GRM5: variants seen among roughly 807,000 people sequenced by gnomAD.
The protein encoded by GRM5 is glutamate metabotropic receptor 5, also known as metabotropic glutamate receptor 5.
A neutral mutation model predicts 83.1 loss-of-function variants in GRM5; 19 were observed. That is an observed-to-expected ratio of 0.23 (90% CI 0.16 to 0.34). The LOEUF (loss-of-function observed/expected upper bound fraction) is 0.34. Among genes scored for constraint, GRM5 ranks in the 10% least tolerant of loss-of-function variants. The pLI, the probability that GRM5 is intolerant of heterozygous loss-of-function variation, is 1.00. For missense variants in GRM5, 1,160 were observed against 1,588.3 expected (o/e 0.73, Z 4.58); for synonymous variants, 675 against 633.6 (o/e 1.07, Z -0.98).
In GRM5 at chr11:88,830,558, G is replaced by A. The variant is rs149455085; in HGVS notation, c.911+19348C>T. Among the ~76,000 whole-genome samples the A allele has an allele frequency of 4.8e-3, 726 of 152,272 alleles. 8 individuals are homozygous for A. Among genetic ancestry groups the A allele is most frequent in the African/African-American group, 0.017 (700 of 41,556 alleles). ...AGGCATCCTTCTCTGCCAGGAGCCA[G>A]GAGAGACTTCCCAATGTGGGGAAAG... On this transcript the variant is annotated intron_variant, in intron 3 of 9. Transcript: ENST00000305447.
intron 3 of GRM5, among the ~76,000 whole-genome samples, chr11:88,663,976 CA>C (rs1939973692): frequency 6.6e-6 from 1 of 152,106 alleles, no homozygotes; most frequent in Non-Finnish European, 1.5e-5. Context: ...TTCATAATTT[CA>C]AATCTATATT....
chr11:88,585,024 C>G (rs537890906), intron 7 of GRM5, among the ~76,000 whole-genome samples: 8 of 152,338 alleles, frequency 5.3e-5, no homozygotes, highest in African/African-American at 1.9e-4. Flanking sequence ...ACCCCTGAAG[C>G]AGGTCATAAG....
intron 4 of GRM5, among the ~76,000 whole-genome samples, chr11:88,629,968 A>C (rs571925290): frequency 6.6e-6 from 1 of 152,044 alleles, no homozygotes; most frequent in South Asian, 2.1e-4. Flanking sequence ...TCCCCAACTT[A>C]CTTTGCTCCA....
rs1942907076 is a variant in GRM5, at chr11:88,567,896, A to G, written c.1787T>C (p.Phe596Ser). 5 of 1,613,978 alleles carry G rather than the reference A, an allele frequency of 3.1e-6. No homozygotes were observed. The highest frequency in any genetic ancestry group is 4.2e-6 in the Non-Finnish European group (5 of 1,179,828). ...FACLGLLATL[F>S]VTVVFIIYRD... ...GTAAATGATGAAGACTACAGTAACA[A>G]ACAGGGTGGCCAGGAGGCCAAGGCA... Residue 596 changes from phenylalanine to serine, a missense_variant, in exon 8 of 10, where the codon TTT (phenylalanine) becomes TCT (serine). Phe to Ser is a radical substitution (Grantham distance 155, BLOSUM62 -2). This residue lies in a region of GRM5 where 132 missense variants were observed against 245.5 expected (regional missense o/e 0.54). Coordinates refer to ENST00000305447, the MANE Select transcript of GRM5 (RefSeq NM_001143831.3). The surrounding 1 kb of genome is among the most constrained non-coding windows in gnomAD (Gnocchi z 7.3).
chr11:88,918,099 A>G (rs1945624681), intron 2 of GRM5, among the ~76,000 whole-genome samples: 1 of 152,074 alleles, frequency 6.6e-6, no homozygotes, highest in African/African-American at 2.4e-5. Flanking sequence ...AAGAAACAAC[A>G]TACAAAGGAG....
rs1941956642 is a variant in GRM5, at chr11:88,738,081, G to T, written c.912-84678C>A. On this transcript the variant is annotated intron_variant, in intron 3 of 9. Coordinates refer to ENST00000305447, the MANE Select transcript of GRM5 (RefSeq NM_001143831.3). ...AGAGAGTATTTTTTGAAGCAAGACA[G>T]TTTGAGTCTGGCTAAATGATTGAAA... Among the ~76,000 whole-genome samples, 4 of 151,954 alleles carry T rather than the reference G, an allele frequency of 2.6e-5. No homozygotes were observed. The South Asian group carries it at 8.3e-4, about 31-fold the overall frequency.
intron 2 of GRM5, among the ~76,000 whole-genome samples, chr11:88,988,633 G>T (rs1283029963): frequency 6.6e-6 from 1 of 151,384 alleles, no homozygotes; most frequent in Non-Finnish European, 1.5e-5. Flanking sequence ...ACCCTCAAAG[G>T]GAAGCCCATC....
At chr11:88,624,486 GAAGGAAC>G (rs1289317852) in intron 4 of GRM5, among the ~76,000 whole-genome samples, 1 of 152,170 alleles carries the variant, frequency 6.6e-6, no homozygotes. Flanking sequence ...AATATGGGAG[GAAGGAAC>G]AATGACAAGA....
chr11:88,517,977 C>A (rs561822731), intron 9 of GRM5, among the ~76,000 whole-genome samples: 2 of 152,008 alleles, frequency 1.3e-5, no homozygotes, highest in South Asian at 4.2e-4. Context: ...AGAACAGCAG[C>A]CTCACACAAG....
At chr11:88,746,266 TTG>T (rs1032380792) in intron 3 of GRM5, among the ~76,000 whole-genome samples, 1 of 152,156 alleles carries the variant, frequency 6.6e-6, no homozygotes, top group African/African-American at 2.4e-5. Flanking sequence ...TACATTTTTT[TTG>T]TGTGTTTCCT....
Position 88,540,586 on chromosome 11 carries a change from A to G in GRM5, c.2631-15182T>C, listed in dbSNP as rs1030769977. Among the ~76,000 whole-genome samples the G allele has an allele frequency of 4.9e-4, 74 of 152,242 alleles. 1 individual carries two copies. The highest frequency in any genetic ancestry group is 1.8e-3 in the African/African-American group (74 of 41,560). On this transcript the variant is annotated intron_variant, in intron 8 of 9. Coordinates refer to ENST00000305447, the MANE Select transcript of GRM5 (RefSeq NM_001143831.3). ...AAGTCCTGGGCATGCAATTACAGGT[A>G]GCCAGTGTAAGTTGTGCACTTACAT...
chr11:88,741,928 C>T (rs778000287), intron 3 of GRM5, among the ~76,000 whole-genome samples: 4 of 151,704 alleles, frequency 2.6e-5, no homozygotes, highest in Non-Finnish European at 5.9e-5. Flanking sequence ...TTAATAAAAG[C>T]AAACACATTT....
rs369951090 is a variant in GRM5, at chr11:88,928,907, T to TATATATATATATAC, written c.662-78753_662-78752insGTATATATATATAT. Among the ~76,000 whole-genome samples, 328 of 138,740 alleles carry TATATATATATATAC rather than the reference T, an allele frequency of 2.4e-3. 2 individuals carry two copies. The highest frequency in any genetic ancestry group is 0.016 in the South Asian group (68 of 4,376). The allele number at this position is 138,740 out of a possible 152,430, so 91.0% of individuals were successfully genotyped here. ...GTTTGTACCTATGTGTATGTGTATA[T>TATATATATATATAC]ACACACACACACACACACACACACA... On this transcript the variant is annotated intron_variant, in intron 2 of 9. Coordinates refer to ENST00000305447, the MANE Select transcript of GRM5 (RefSeq NM_001143831.3).
At chr11:88,862,148 A>T (rs1159646728) in intron 2 of GRM5, among the ~76,000 whole-genome samples, 2 of 152,192 alleles carry the variant, frequency 1.3e-5, no homozygotes, top group Admixed American at 6.6e-5. Context: ...CAGCTTAGTC[A>T]CAAGTGCCCT....
chr11:88,621,281 T>G (rs1938627305), intron 4 of GRM5, among the ~76,000 whole-genome samples: 1 of 152,208 alleles, frequency 6.6e-6, no homozygotes, highest in Admixed American at 6.5e-5. Flanking sequence ...TTCAATGAGT[T>G]ATATTTTAAC....
chr11:89,016,771 G>A (rs2135100760), intron 2 of GRM5, among the ~76,000 whole-genome samples: 2 of 152,196 alleles, frequency 1.3e-5, no homozygotes, highest in East Asian at 3.9e-4. Context: ...CTGAAATTTA[G>A]TATATGCATA....
At chr11:88,892,262 T>C (rs1387631688) in intron 2 of GRM5, among the ~76,000 whole-genome samples, 4 of 151,902 alleles carry the variant, frequency 2.6e-5, no homozygotes, top group South Asian at 2.1e-4. Context: ...CAATCTCAGC[T>C]TGCAGAGCTG....
chr11:88,647,672 G>A (rs1299622499), intron 4 of GRM5, among the ~76,000 whole-genome samples: 2 of 152,068 alleles, frequency 1.3e-5, no homozygotes, highest in African/African-American at 4.8e-5. Flanking sequence ...TTAAACTCAA[G>A]AGCTTCTGCA....
intron 3 of GRM5, 62 bp from the exon 4 acceptor site, chr11:88,653,465 T>A (rs767864485): frequency 1.8e-6 from 2 of 1,113,530 alleles, no homozygotes; most frequent in Non-Finnish European, 2.7e-6. Flanking sequence ...ATGAGTCCAT[T>A]TGCTTTCCTT....
Sources: gnomAD v4.1 joint callset for allele counts (sites outside exome capture counted in the v4.1 genomes callset) on GRCh38, gnomAD v4.1.1 for gene constraint, gnomAD v4.1.1 regional missense constraint, Gnocchi (gnomAD v3.1) non-coding constraint, MANE v1.5 for transcripts, NCBI Gene and HGNC (gene_info 2026-07-23, HGNC 2026-07-21) for gene names.